Variants in CACNA2D3 observed in about 807,000 individuals in gnomAD.
CACNA2D3 encodes the protein calcium voltage-gated channel auxiliary subunit alpha2delta 3.
A neutral mutation model predicts 160.6 loss-of-function variants in CACNA2D3; 60 were observed. That is an observed-to-expected ratio of 0.37 (90% CI 0.30 to 0.46). The LOEUF (loss-of-function observed/expected upper bound fraction) is 0.46, where lower values mean the gene tolerates loss of function less well. Among genes scored for constraint, CACNA2D3 ranks in the 20% least tolerant of loss-of-function variants. The probability of loss-of-function intolerance (pLI) is 1.00; values close to 1 mark genes in which losing one functional copy is unlikely to be tolerated. For synonymous variants in CACNA2D3, 558 were observed against 492.9 expected (o/e 1.13, Z -1.75); for missense variants, 1,205 against 1,365.0 (o/e 0.88, Z 1.85).
At position 54,542,047 on chromosome 3, in the gene CACNA2D3, A is replaced by C. The variant is rs141496537; in HGVS notation, c.545-20753A>C. On this transcript the variant is annotated intron_variant, in intron 5 of 37. Coordinates refer to ENST00000474759, the MANE Select transcript of CACNA2D3 (RefSeq NM_018398.3). ...AATATGATATATGTATATGTGAATG[A>C]GAGTTTTTTTTGTTGTTGTTGTTTT... 5.9e-3 allele frequency among the ~76,000 whole-genome samples: 899 copies of C among 151,138 alleles called. 11 individuals carry two copies. Among genetic ancestry groups the C allele is most frequent in the African/African-American group, 0.021 (861 of 41,106 alleles).
At chr3:55,007,978 A>G (rs1355456195) in intron 33 of CACNA2D3, 136 bp downstream of exon 33, 3 of 591,516 alleles carry the variant, frequency 5.1e-6, no homozygotes, top group Non-Finnish European at 5.6e-6. Context: ...TTCATTGAAC[A>G]TCTCAAAATA....
At chr3:54,171,136 C>CCTTTTTT (rs1289627450) in intron 2 of CACNA2D3, among the ~76,000 whole-genome samples, 3 of 62,542 alleles carry the variant, frequency 4.8e-5, no homozygotes, top group Non-Finnish European at 5.9e-5. Context: ...AAGATGATGA[C>CCTTTTTT]TTTTTTTTTT....
chr3:54,577,366 G>A (rs559335166), intron 8 of CACNA2D3, among the ~76,000 whole-genome samples: 1 of 152,328 alleles, frequency 6.6e-6, no homozygotes, highest in East Asian at 1.9e-4. Context: ...GTGGCTTAGA[G>A]TGGGACAGTG....
At chr3:54,814,503 T>A (rs1703406126) in intron 13 of CACNA2D3, among the ~76,000 whole-genome samples, 1 of 152,204 alleles carries the variant, frequency 6.6e-6, no homozygotes, top group African/African-American at 2.4e-5. Context: ...AGCAGCAGCA[T>A]CTGTGGCCAC....
chr3:54,616,074 C>T (rs1698842946), intron 9 of CACNA2D3, among the ~76,000 whole-genome samples: 1 of 152,188 alleles, frequency 6.6e-6, no homozygotes, highest in South Asian at 2.1e-4. Flanking sequence ...AGATTGTCTT[C>T]CGTGAAACCA....
At chr3:54,479,287 C>T (rs565428049) in intron 4 of CACNA2D3, among the ~76,000 whole-genome samples, 1 of 152,268 alleles carries the variant, frequency 6.6e-6, no homozygotes, top group Admixed American at 6.5e-5. Flanking sequence ...TCAATTAAAC[C>T]TCTTTCCTTT....
At chr3:54,302,274 C>G (rs1703493699) in intron 2 of CACNA2D3, among the ~76,000 whole-genome samples, 1 of 152,122 alleles carries the variant, frequency 6.6e-6, no homozygotes, top group Non-Finnish European at 1.5e-5. Context: ...GGATGTGTGG[C>G]CTCTAGGATT....
At chr3:54,158,632 A>G (rs1369126982) in intron 2 of CACNA2D3, among the ~76,000 whole-genome samples, 1 of 152,162 alleles carries the variant, frequency 6.6e-6, no homozygotes, top group Non-Finnish European at 1.5e-5. Context: ...TTCCATGATC[A>G]AGTTCCCACA....
chr3:54,505,538 A>G (rs1701355558), intron 5 of CACNA2D3, among the ~76,000 whole-genome samples: 1 of 152,168 alleles, frequency 6.6e-6, no homozygotes, highest in Admixed American at 6.5e-5. Context: ...AGCTTCATTT[A>G]GTGGAGTTTA....
chr3:54,793,492 G>T (rs967916032), intron 13 of CACNA2D3, among the ~76,000 whole-genome samples: 1 of 152,366 alleles, frequency 6.6e-6, no homozygotes, highest in South Asian at 2.1e-4. Context: ...GGTTTGGCCT[G>T]TGTGGCCTCA....
At chr3:54,199,609 C>A (rs1456229704) in intron 2 of CACNA2D3, among the ~76,000 whole-genome samples, 1 of 134,730 alleles carries the variant, frequency 7.4e-6, no homozygotes, top group East Asian at 2.1e-4. Context: ...CTATTTTCTT[C>A]TTTTTTAGAT....
At chr3:54,122,964 C>T (rs1699505498) in intron 1 of CACNA2D3, 129 bp downstream of exon 1, 2 of 909,786 alleles carry the variant, frequency 2.2e-6, no homozygotes, top group Non-Finnish European at 2.8e-6. Flanking sequence ...CCGCTCGCAC[C>T]TGCCTTTCGG....
rs1308938713 is a variant in CACNA2D3 at position 54,262,371 on chromosome 3, G to A, written c.205-58071G>A. 2.0e-5 allele frequency among the ~76,000 whole-genome samples: 3 copies of A among 152,288 alleles called. No individual in the cohort carries two copies. In the East Asian group the frequency reaches 5.8e-4, roughly 29 times the overall value. ...TTCCCCGAAGTGGGGAAAGTGGAAA[G>A]ATGAAAGAAAACATTTCCTCCCACG... On this transcript the variant is annotated intron_variant, in intron 2 of 37. Transcript: ENST00000474759.
intron 9 of CACNA2D3, among the ~76,000 whole-genome samples, chr3:54,608,358 C>T (rs934918874): frequency 6.6e-6 from 1 of 152,264 alleles, no homozygotes; most frequent in Admixed American, 6.5e-5. Flanking sequence ...TAAACATTCC[C>T]CTAATAGCAG....
At chr3:54,527,157 G>T (rs1160018442) in intron 5 of CACNA2D3, among the ~76,000 whole-genome samples, 3 of 152,192 alleles carry the variant, frequency 2.0e-5, no homozygotes, top group Non-Finnish European at 4.4e-5. Flanking sequence ...TTCCTGTAGA[G>T]ATCTGTCCAG....
chr3:54,576,294 T>C (rs1702581027), intron 8 of CACNA2D3, among the ~76,000 whole-genome samples: 1 of 152,202 alleles, frequency 6.6e-6, no homozygotes. Context: ...GCTTTTGGAC[T>C]GTGATTCACC....
intron 27 of CACNA2D3, among the ~76,000 whole-genome samples, chr3:54,920,355 T>A (rs1409051166): frequency 7.2e-5 from 11 of 152,190 alleles, no homozygotes; most frequent in Non-Finnish European, 2.9e-5. Flanking sequence ...TGAGTGGCAG[T>A]GGCAAAATTC....
chr3:55,024,967 A>T (rs1703534276), intron 35 of CACNA2D3, among the ~76,000 whole-genome samples: 1 of 152,148 alleles, frequency 6.6e-6, no homozygotes. Flanking sequence ...AATGATTGAG[A>T]TCCTTTTTGA....
chr3:54,918,878 C>A (rs763454373), intron 27 of CACNA2D3: 18 of 1,542,310 alleles, frequency 1.2e-5, no homozygotes, highest in Non-Finnish European at 1.4e-5. Context: ...CAGATGATGC[C>A]GTCTGTTAGT....
Sources: allele counts gnomAD v4.1 joint callset (sites outside exome capture counted in the v4.1 genomes callset), GRCh38; gene constraint gnomAD v4.1.1; transcripts MANE v1.5; gene names NCBI Gene and HGNC (gene_info 2026-07-23, HGNC 2026-07-21).